Variants in FBXO42 observed in about 807,000 individuals in gnomAD.
FBXO42 encodes F-box only protein 42.
A neutral mutation model predicts 71.7 loss-of-function variants in FBXO42; 12 were observed. The ratio of observed to expected loss-of-function variants is 0.17; its 90% CI spans 0.11 to 0.27. FBXO42 has a LOEUF of 0.27. Ranked by LOEUF, FBXO42 falls within the 10% of genes least tolerant of loss-of-function variation. FBXO42 has a pLI of 1.00. For synonymous variants in FBXO42, 325 were observed against 327.5 expected (o/e 0.99, Z 0.08); for missense variants, 707 against 911.9 (o/e 0.78, Z 2.89).
At chr1:16,328,045 G>A (rs912531373) in intron 1 of FBXO42, among the ~76,000 whole-genome samples, 19 of 152,054 alleles carry the variant, frequency 1.2e-4, no homozygotes, top group African/African-American at 4.1e-4. Context: ...TCCAAGTCAC[G>A]CAGCTTATAC....
At chr1:16,305,181 T>C (rs1238282724) in intron 3 of FBXO42, among the ~76,000 whole-genome samples, 1 of 151,624 alleles carries the variant, frequency 6.6e-6, no homozygotes, top group East Asian at 2.0e-4. Flanking sequence ...GCCCAGGAGT[T>C]GAAGACAAGC....
chr1:16,288,497 T>A (rs2082045392), intron 4 of FBXO42, among the ~76,000 whole-genome samples: 2 of 151,564 alleles, frequency 1.3e-5, no homozygotes, highest in African/African-American at 4.8e-5. Context: ...CTCATAACAA[T>A]GAATTACTAG....
intron 1 of FBXO42, among the ~76,000 whole-genome samples, chr1:16,326,799 T>C (rs1347153759): frequency 2.6e-5 from 4 of 152,158 alleles, no homozygotes; most frequent in Non-Finnish European, 5.9e-5. Context: ...ACACCTTTCA[T>C]TACTCACATA....
chr1:16,327,134 AT>A (rs1047675655), intron 1 of FBXO42, among the ~76,000 whole-genome samples: 12 of 152,184 alleles, frequency 7.9e-5, no homozygotes, highest in Non-Finnish European at 1.5e-4. Context: ...CACCTTAACA[AT>A]ATCGGTACTT....
intron 2 of FBXO42, among the ~76,000 whole-genome samples, chr1:16,312,619 T>C (rs940426277): frequency 3.3e-5 from 5 of 152,174 alleles, no homozygotes; most frequent in African/African-American, 1.2e-4. Context: ...TCCAAACCCA[T>C]AGAATGCACA....
chr1:16,335,257 A>C (rs1415717873), intron 1 of FBXO42, among the ~76,000 whole-genome samples: 1 of 152,044 alleles, frequency 6.6e-6, no homozygotes, highest in Non-Finnish European at 1.5e-5. Context: ...CTCCTGCCTC[A>C]ACTTCCCAAG....
At chr1:16,258,926 G>A (rs759695860) in intron 4 of FBXO42, among the ~76,000 whole-genome samples, 7 of 152,012 alleles carry the variant, frequency 4.6e-5, no homozygotes, top group African/African-American at 7.3e-5. Context: ...TTTTTGTTGT[G>A]ATCAGGTCTT....
At chr1:16,340,503 G>A (rs2082592671) in intron 1 of FBXO42, among the ~76,000 whole-genome samples, 4 of 151,982 alleles carry the variant, frequency 2.6e-5, no homozygotes, top group Admixed American at 2.0e-4. Flanking sequence ...ATTTTTAGTA[G>A]AGACGGGGTT....
chr1:16,314,073 C>T (rs2100574494), intron 2 of FBXO42, among the ~76,000 whole-genome samples: 1 of 152,252 alleles, frequency 6.6e-6, no homozygotes, highest in Admixed American at 6.5e-5. Flanking sequence ...CTTGCCTCAG[C>T]CTCCCGAGTA....
At chr1:16,344,136 TA>T (rs1159761612) in intron 1 of FBXO42, among the ~76,000 whole-genome samples, 1 of 151,838 alleles carries the variant, frequency 6.6e-6, no homozygotes, top group African/African-American at 2.4e-5. Context: ...TAGCTGGAAT[TA>T]CAGGCATGTG....
At chr1:16,270,577 G>A (rs753122519) in intron 4 of FBXO42, among the ~76,000 whole-genome samples, 10 of 145,828 alleles carry the variant, frequency 6.9e-5, no homozygotes, top group South Asian at 2.1e-4. Context: ...AGTGGCTCAC[G>A]CCTGTAATCC....
intron 6 of FBXO42, 90 bp from the exon 7 acceptor site, chr1:16,253,821 C>G: frequency 8.5e-7 from 1 of 1,174,474 alleles, no homozygotes; most frequent in South Asian, 1.3e-5. Context: ...TGTGGCCCAT[C>G]TGGCAAACTT....
chr1:16,352,451 T>G lies in FBXO42; in HGVS notation c.-214A>C, dbSNP rs867562494. ...CAAACGCCGCCGCCGCCGCAGCTGC[T>G]GCTGCTCAGGCCGGGAGAAGACAGC... is the stretch of plus-strand genomic sequence containing the variant. On this transcript the variant is annotated 5_prime_UTR_variant, in exon 1 of 10. Coordinates refer to ENST00000375592, the MANE Select transcript of FBXO42 (RefSeq NM_018994.3). The G allele has an allele frequency of 1.0e-5, 4 of 398,376 alleles. No homozygotes were observed. The highest frequency in any genetic ancestry group is 4.4e-5 in the Admixed American group (1 of 22,588). The allele number at this position is 398,376 out of a possible 1,614,324, so 24.7% of individuals were successfully genotyped here.
At chr1:16,343,952 C>CAAA (rs200166365) in intron 1 of FBXO42, among the ~76,000 whole-genome samples, 11 of 87,772 alleles carry the variant, frequency 1.3e-4, no homozygotes, top group African/African-American at 3.7e-4. Flanking sequence ...TTTAGCATGG[C>CAAA]AAAAAAAAAA....
At chr1:16,298,676 G>A (rs2082157258) in intron 3 of FBXO42, among the ~76,000 whole-genome samples, 1 of 151,846 alleles carries the variant, frequency 6.6e-6, no homozygotes, top group Non-Finnish European at 1.5e-5. Flanking sequence ...CGCCCAGCTA[G>A]TTTTTGTATT....
intron 4 of FBXO42, among the ~76,000 whole-genome samples, chr1:16,263,101 GA>G (rs1176983378): frequency 6.6e-6 from 1 of 152,068 alleles, no homozygotes; most frequent in Non-Finnish European, 1.5e-5. Context: ...AGAAAAACAA[GA>G]AAAGCCATAT....
rs750560190 is a variant in FBXO42 at position 16,251,577 on chromosome 1, T to C, written c.1247A>G (p.Gln416Arg). The C allele has an allele frequency of 1.2e-6, 2 of 1,614,132 alleles. No individual in the cohort carries two copies. Among genetic ancestry groups the C allele is most frequent in the South Asian group, 1.1e-5 (1 of 91,078 alleles). ...GRWGTLRPRAQRQTPSGSREG... is the reference protein window; with the variant it reads ...GRWGTLRPRARRQTPSGSREG... ...CCGGGAACCTGAAGGAGTCTGCCTT[T>C]GAGCCCTGGGTCTCAGTGTTCCCCA... Residue 416 changes from glutamine (Q) to arginine (R), a missense_variant, in exon 10 of 10, where the codon CAA (glutamine) becomes CGA (arginine). Coordinates refer to ENST00000375592, the MANE Select transcript of FBXO42 (RefSeq NM_018994.3). This position sits in a 1 kb window ranked among gnomAD's most constrained non-coding sequence, Gnocchi z 4.5.
intron 4 of FBXO42, among the ~76,000 whole-genome samples, chr1:16,257,774 G>A (rs941627740): frequency 1.3e-5 from 2 of 152,040 alleles, no homozygotes; most frequent in African/African-American, 4.8e-5. Context: ...TCCACCTCCT[G>A]GGTTCAAGTG....
chr1:16,254,659 C>T (rs2081621595), intron 6 of FBXO42, among the ~76,000 whole-genome samples: 1 of 152,188 alleles, frequency 6.6e-6, no homozygotes, highest in Non-Finnish European at 1.5e-5. Flanking sequence ...GATGGAAATG[C>T]CCTAAGGGAG....
Sources: gnomAD v4.1 joint callset for allele counts (sites outside exome capture counted in the v4.1 genomes callset) on GRCh38, gnomAD v4.1.1 for gene constraint, Gnocchi (gnomAD v3.1) non-coding constraint, MANE v1.5 for transcripts, NCBI Gene and HGNC (gene_info 2026-07-23, HGNC 2026-07-21) for gene names.